STK39: variants seen among roughly 807,000 people sequenced by gnomAD.
STK39 encodes STE20/SPS1-related proline-alanine-rich protein kinase.
STK39 carries 20 observed loss-of-function variants against 77.8 expected under a neutral mutation model. The observed-to-expected ratio is 0.26, with a 90% CI of 0.18 to 0.37. STK39 has a LOEUF of 0.37. STK39 is among the 10% of genes least tolerant of loss of function. The pLI is 1.00. For synonymous variants in STK39, 246 were observed against 234.1 expected (o/e 1.05, Z -0.47); for missense variants, 479 against 656.5 (o/e 0.73, Z 2.95).
At chr2:168,157,495 T>C (rs1688463899) in intron 5 of STK39, among the ~76,000 whole-genome samples, 1 of 152,172 alleles carries the variant, frequency 6.6e-6, no homozygotes, top group Non-Finnish European at 1.5e-5. Flanking sequence ...ATCTTATTTA[T>C]CACAGTTCTG....
intron 10 of STK39, among the ~76,000 whole-genome samples, chr2:168,123,977 A>T (rs1687476065): frequency 6.6e-6 from 1 of 152,148 alleles, no homozygotes; most frequent in Admixed American, 6.5e-5. Flanking sequence ...ATTCCTAAGC[A>T]TATCAGTGGA....
intron 3 of STK39, among the ~76,000 whole-genome samples, chr2:168,165,110 C>T (rs1416006692): frequency 1.3e-5 from 2 of 152,112 alleles, no homozygotes; most frequent in Non-Finnish European, 2.9e-5. Flanking sequence ...ATTTTTGTGT[C>T]ATTTAAAAAA....
chr2:168,144,309 A>G (rs1688074935), intron 5 of STK39, among the ~76,000 whole-genome samples: 1 of 151,668 alleles, frequency 6.6e-6, no homozygotes, highest in South Asian at 2.1e-4. Flanking sequence ...TTATTTATTT[A>G]TTTTATTTTT....
At chr2:168,157,021 T>C (rs1688446365) in intron 5 of STK39, among the ~76,000 whole-genome samples, 1 of 152,200 alleles carries the variant, frequency 6.6e-6, no homozygotes, top group South Asian at 2.1e-4. Flanking sequence ...ACCTAGCAGC[T>C]ATGGGTGTAA....
intron 10 of STK39, among the ~76,000 whole-genome samples, chr2:168,125,810 G>T (rs1348251455): frequency 6.6e-6 from 1 of 152,128 alleles, no homozygotes; most frequent in Non-Finnish European, 1.5e-5. Flanking sequence ...AGTCAATCCG[G>T]ATGAAGACAA....
chr2:168,148,261 G>A (rs536259720), intron 5 of STK39, among the ~76,000 whole-genome samples: 1 of 152,100 alleles, frequency 6.6e-6, no homozygotes, highest in African/African-American at 2.4e-5. Context: ...TTTGTTTATA[G>A]AGGAAATAGG....
chr2:168,035,098 G>C (rs1684918407), intron 14 of STK39, among the ~76,000 whole-genome samples: 1 of 152,174 alleles, frequency 6.6e-6, no homozygotes, highest in African/African-American at 2.4e-5. Flanking sequence ...TTTGAGGTTG[G>C]CCTGGGAACC....
chr2:168,237,254 T>C (rs1242419931), intron 1 of STK39, among the ~76,000 whole-genome samples: 1 of 152,222 alleles, frequency 6.6e-6, no homozygotes, highest in Non-Finnish European at 1.5e-5. Context: ...TTGTCTGTTA[T>C]TGGTGTATAA....
chr2:168,178,415 C>T (rs1361853222), intron 2 of STK39, among the ~76,000 whole-genome samples: 1 of 152,130 alleles, frequency 6.6e-6, no homozygotes, highest in Non-Finnish European at 1.5e-5. Flanking sequence ...CTATTCATAT[C>T]ATACCAAGAA....
chr2:167,967,313 C>A lies in STK39; in HGVS notation c.1499-2587G>T, dbSNP rs934104048. 4.6e-5 allele frequency among the ~76,000 whole-genome samples: 7 copies of A among 152,314 alleles called. No individual in the cohort carries two copies. In the East Asian group the frequency reaches 1.3e-3, roughly 29 times the overall value. On this transcript the variant is annotated intron_variant, in intron 16 of 17. Coordinates refer to ENST00000355999, the MANE Select transcript of STK39 (RefSeq NM_013233.3). ...CAGCCCACAATCTCTGCCATTTGGG[C>A]AAACAGGGACACCAATAATATGCAC...
intron 14 of STK39, among the ~76,000 whole-genome samples, chr2:168,038,783 G>A (rs1313409241): frequency 6.6e-6 from 1 of 152,072 alleles, no homozygotes; most frequent in African/African-American, 2.4e-5. Flanking sequence ...ACATGGCTAA[G>A]AAACACATGA....
intron 1 of STK39, among the ~76,000 whole-genome samples, chr2:168,231,271 T>C (rs1690447905): frequency 1.3e-5 from 2 of 152,144 alleles, no homozygotes; most frequent in Non-Finnish European, 1.5e-5. Flanking sequence ...CTTTAGAAAA[T>C]TAGTCTCATT....
At chr2:168,060,058 A>G (rs1685623290) in intron 14 of STK39, among the ~76,000 whole-genome samples, 1 of 152,196 alleles carries the variant, frequency 6.6e-6, no homozygotes, top group African/African-American at 2.4e-5. Flanking sequence ...CACGGTGATC[A>G]CAAAAAAGTA....
At chr2:167,973,346 T>G (rs971399377) in intron 16 of STK39, among the ~76,000 whole-genome samples, 1 of 152,244 alleles carries the variant, frequency 6.6e-6, no homozygotes, top group Non-Finnish European at 1.5e-5. Context: ...TTACCTATTT[T>G]GGAGCATTAG....
intron 14 of STK39, among the ~76,000 whole-genome samples, chr2:168,048,369 C>T (rs57278510): frequency 0.029 from 4,424 of 152,142 alleles, 211 homozygotes; most frequent in African/African-American, 0.1. Flanking sequence ...ACCGCCACCA[C>T]GCCTGGCTAA....
At chr2:167,998,206 C>T (rs868636401) in intron 16 of STK39, among the ~76,000 whole-genome samples, 2 of 152,204 alleles carry the variant, frequency 1.3e-5, no homozygotes, top group South Asian at 2.1e-4. Flanking sequence ...AAACACTGCC[C>T]CAGCCCTCTA....
chr2:168,075,090 C>T lies in STK39; in HGVS notation c.1212+19G>A, dbSNP rs769143018. On this transcript the variant is annotated intron_variant, in intron 11 of 17. Coordinates refer to ENST00000355999, the MANE Select transcript of STK39 (RefSeq NM_013233.3). ...ATAAAATTTACACAGATTAGCTCAT[C>T]GTCAACGATGTCATTTACCTTTTCC... The T allele has an allele frequency of 5.6e-6, 9 of 1,614,048 alleles. No homozygotes were observed. In the African/African-American group the frequency reaches 6.7e-5, roughly 12 times the overall value.
chr2:168,129,688 C>T (rs918986323), intron 9 of STK39, 22 bp downstream of exon 9: 3 of 1,613,994 alleles, frequency 1.9e-6, no homozygotes, highest in Non-Finnish European at 2.5e-6. Context: ...AGCAGATTTA[C>T]TTGGGTTTTT....
chr2:168,011,273 TG>T (rs758810286), intron 16 of STK39, among the ~76,000 whole-genome samples: 6 of 152,258 alleles, frequency 3.9e-5, no homozygotes, highest in Admixed American at 1.3e-4. Context: ...CACTCCAGCC[TG>T]GGTGACAGAG....
Sources: gnomAD v4.1 joint callset for allele counts (sites outside exome capture counted in the v4.1 genomes callset) on GRCh38, gnomAD v4.1.1 for gene constraint, MANE v1.5 for transcripts, NCBI Gene and HGNC (gene_info 2026-07-23, HGNC 2026-07-21) for gene names.